The following ARHGAP15 variants were observed in gnomAD, a reference collection of about 807,000 sequenced individuals.
ARHGAP15 encodes Rho GTPase activating protein 15, also known as rho GTPase-activating protein 15.
ARHGAP15 carries 51 observed loss-of-function variants against 63.7 expected under a neutral mutation model. The observed-to-expected ratio is 0.80, with a 90% CI of 0.64 to 1.01. The LOEUF is 1.01. Ranked by LOEUF, ARHGAP15 falls within the 50% of genes least tolerant of loss-of-function variation. ARHGAP15 has a pLI of 0.00. For missense variants in ARHGAP15, 560 were observed against 564.6 expected (o/e 0.99, Z 0.08); for synonymous variants, 191 against 193.8 (o/e 0.99, Z 0.12).
In ARHGAP15 at chr2:143,741,611, G is replaced by A. The variant is rs1404298127; in HGVS notation, c.1245-26378G>A. Among the ~76,000 whole-genome samples, 3 of 152,198 alleles carry A rather than the reference G, an allele frequency of 2.0e-5. No individual in the cohort carries two copies. In the East Asian group the frequency reaches 5.8e-4, roughly 29 times the overall value. ...GTCAAAGAGACATTTTTCAGAAATT[G>A]AAATGGAGACTTGGGCCTTCAAGAA... On this transcript the variant is annotated intron_variant, in intron 13 of 13. Coordinates refer to ENST00000295095, the MANE Select transcript of ARHGAP15 (RefSeq NM_018460.4).
At chr2:143,745,885 A>G (rs989040912) in intron 13 of ARHGAP15, among the ~76,000 whole-genome samples, 3 of 152,230 alleles carry the variant, frequency 2.0e-5, no homozygotes, top group Admixed American at 6.5e-5. Context: ...AGAGTACTAC[A>G]GGTAGTAAGA....
chr2:143,361,038 A>G (rs559820819), intron 6 of ARHGAP15, among the ~76,000 whole-genome samples: 4 of 152,262 alleles, frequency 2.6e-5, no homozygotes, highest in Admixed American at 1.3e-4. Context: ...ACCACCAGAA[A>G]TGCCATTGGC....
intron 8 of ARHGAP15, among the ~76,000 whole-genome samples, chr2:143,443,112 T>A (rs933291137): frequency 6.6e-6 from 1 of 152,200 alleles, no homozygotes. Context: ...TATGTAATTA[T>A]CAATTGTTAA....
In ARHGAP15 at chr2:143,155,471, T is replaced by C; in HGVS notation, c.-14-6T>C. ...GAATAACATAATACATTTTATATTT[T>C]ATCAGGATAGCACTATAATATGCAG... On this transcript the variant is annotated splice_region_variant and splice_polypyrimidine_tract_variant and intron_variant, in intron 1 of 13. Coordinates refer to ENST00000295095, the MANE Select transcript of ARHGAP15 (RefSeq NM_018460.4). 5 of 1,572,110 alleles carry C rather than the reference T, an allele frequency of 3.2e-6. No individual in the cohort carries two copies. The highest frequency in any genetic ancestry group is 4.3e-6 in the Non-Finnish European group (5 of 1,165,136).
chr2:143,530,165 T>A (rs930377832), intron 10 of ARHGAP15, among the ~76,000 whole-genome samples: 1 of 152,182 alleles, frequency 6.6e-6, no homozygotes, highest in Admixed American at 6.6e-5. Flanking sequence ...TCTTTAAACA[T>A]AACGTAAAGT....
intron 10 of ARHGAP15, among the ~76,000 whole-genome samples, chr2:143,550,991 C>G (rs927221195): frequency 6.6e-6 from 1 of 151,926 alleles, no homozygotes; most frequent in Non-Finnish European, 1.5e-5. Context: ...TAGAAATAGG[C>G]AAATTAACTC....
chr2:143,194,614 G>T (rs1029797515), intron 2 of ARHGAP15, among the ~76,000 whole-genome samples: 7 of 152,086 alleles, frequency 4.6e-5, no homozygotes, highest in Non-Finnish European at 8.8e-5. Context: ...TGAGTTTCTT[G>T]GCTCTGGTGG....
intron 10 of ARHGAP15, among the ~76,000 whole-genome samples, chr2:143,521,032 A>G (rs534525759): frequency 6.6e-6 from 1 of 152,326 alleles, no homozygotes; most frequent in African/African-American, 2.4e-5. Context: ...GTGATTTTTA[A>G]TAAAATAAGA....
chr2:143,379,168 C>T (rs554299132), intron 6 of ARHGAP15, among the ~76,000 whole-genome samples: 2 of 151,886 alleles, frequency 1.3e-5, no homozygotes, highest in East Asian at 3.9e-4. Flanking sequence ...ACATGCCTTC[C>T]ATGTACATGA....
chr2:143,487,536 G>C, intron 9 of ARHGAP15, 41 bp downstream of exon 9: 1 of 1,588,000 alleles, frequency 6.3e-7, no homozygotes, highest in Non-Finnish European at 8.6e-7. Context: ...TGTGATAAAT[G>C]AATGTGCCTC....
intron 12 of ARHGAP15, among the ~76,000 whole-genome samples, chr2:143,693,976 T>G (rs1276969984): frequency 6.6e-6 from 1 of 152,218 alleles, no homozygotes; most frequent in Non-Finnish European, 1.5e-5. Flanking sequence ...ACAGAGAAAG[T>G]CTGGACACCA....
At chr2:143,690,727 G>T (rs1398055558) in intron 12 of ARHGAP15, among the ~76,000 whole-genome samples, 1 of 151,988 alleles carries the variant, frequency 6.6e-6, no homozygotes, top group East Asian at 1.9e-4. Flanking sequence ...GTTTCTCTTG[G>T]CTTGACTTGC....
At chr2:143,551,472 C>A (rs1477980219) in intron 10 of ARHGAP15, among the ~76,000 whole-genome samples, 1 of 152,134 alleles carries the variant, frequency 6.6e-6, no homozygotes, top group African/African-American at 2.4e-5. Context: ...GAACTGTTAA[C>A]AATAACTGTC....
chr2:143,213,098 C>A (rs6729942), intron 3 of ARHGAP15, among the ~76,000 whole-genome samples: 25,985 of 152,110 alleles, frequency 0.17, 2,425 homozygotes, highest in Middle Eastern at 0.24. Flanking sequence ...AAGAGGATTA[C>A]AATTGTCCTA....
At chr2:143,230,734 A>G (rs1447581778) in intron 5 of ARHGAP15, among the ~76,000 whole-genome samples, 2 of 152,218 alleles carry the variant, frequency 1.3e-5, no homozygotes, top group East Asian at 3.8e-4. Flanking sequence ...CACGTTTACC[A>G]GTTCCAGTCT....
chr2:143,461,800 GC>G (rs1375326347), intron 8 of ARHGAP15, among the ~76,000 whole-genome samples: 1 of 152,086 alleles, frequency 6.6e-6, no homozygotes, highest in East Asian at 1.9e-4. Flanking sequence ...CCTTTGCAGT[GC>G]CGTTTTCTGC....
At position 143,309,922 on chromosome 2, in the gene ARHGAP15, A is replaced by G. The variant is rs554867117; in HGVS notation, c.474+59322A>G. ...TACACACATGATGATGATAGATAATAGCTTTGTTGCATATTATTTGCTTTT... is the reference window on the plus strand; with the variant it reads ...TACACACATGATGATGATAGATAATGGCTTTGTTGCATATTATTTGCTTTT... On this transcript the variant is annotated intron_variant, in intron 6 of 13. Transcript: ENST00000295095. 4.8e-4 allele frequency among the ~76,000 whole-genome samples: 73 copies of G among 151,944 alleles called. 2 individuals carry two copies. In the South Asian group the frequency reaches 0.015, roughly 31 times the overall value.
intron 6 of ARHGAP15, among the ~76,000 whole-genome samples, chr2:143,424,302 G>A (rs1004138139): frequency 3.9e-5 from 6 of 152,080 alleles, no homozygotes; most frequent in African/African-American, 1.4e-4. Context: ...TGTCATTAAG[G>A]AGGTCAGACC....
intron 11 of ARHGAP15, among the ~76,000 whole-genome samples, chr2:143,610,918 G>A (rs768513140): frequency 2.4e-4 from 37 of 152,068 alleles, no homozygotes; most frequent in South Asian, 6.2e-4. Flanking sequence ...TAGTAGAGAC[G>A]GGGTTTTGCC....
Sources: allele counts gnomAD v4.1 joint callset (sites outside exome capture counted in the v4.1 genomes callset), GRCh38; gene constraint gnomAD v4.1.1; transcripts MANE v1.5; gene names NCBI Gene and HGNC (gene_info 2026-07-23, HGNC 2026-07-21).